The following NEDD8 variants were observed in gnomAD, a reference collection of about 807,000 sequenced individuals.
The protein encoded by NEDD8 is NEDD8 ubiquitin like modifier.
Under a neutral mutation model 13.8 loss-of-function variants are expected in NEDD8, and 1 was observed. The observed-to-expected ratio is 0.07, with a 90% CI of 0.03 to 0.34. NEDD8 has a LOEUF of 0.34. Among genes scored for constraint, NEDD8 ranks in the 10% least tolerant of loss-of-function variants. The pLI is 0.99. For missense variants in NEDD8, 10 were observed against 95.2 expected, an observed-to-expected ratio of 0.10 and a Z score of 3.73; for synonymous variants, 31 against 33.2, an observed-to-expected ratio of 0.93 and a Z score of 0.23.
chr14:24,223,085 C>CA (rs71426836), intron 1 of NEDD8, among the ~76,000 whole-genome samples: 29,946 of 75,270 alleles, frequency 0.4, 6,948 homozygotes, highest in Middle Eastern at 0.61. Context: ...GACTGCATTT[C>CA]AAAAAAAAAA....
At chr14:24,227,310 G>A (rs1264856771) in intron 1 of NEDD8, 1 of 152,176 alleles carries the variant, frequency 6.6e-6, no homozygotes, top group African/African-American at 2.4e-5. Context: ...CTGCAATGAG[G>A]AAATCAATGA....
chr14:24,222,829 C>T (rs1025440944), intron 1 of NEDD8, among the ~76,000 whole-genome samples: 1 of 151,998 alleles, frequency 6.6e-6, no homozygotes, highest in Non-Finnish European at 1.5e-5. Context: ...TGGCTCACAC[C>T]TGTAATCCTA....
chr14:24,226,626 A>G (rs1302369665), intron 1 of NEDD8: 1 of 152,170 alleles, frequency 6.6e-6, no homozygotes, highest in Non-Finnish European at 1.5e-5. Flanking sequence ...TAGTGTTTTA[A>G]TTTATATAAC....
intron 1 of NEDD8, chr14:24,226,932 C>G (rs771905502): frequency 2.0e-5 from 3 of 152,152 alleles, no homozygotes; most frequent in African/African-American, 7.2e-5. Flanking sequence ...CTGGAGATAA[C>G]TCAAACACCC....
At chr14:24,218,327 T>G in intron 2 of NEDD8, 57 bp downstream of exon 2, 1 of 1,614,068 alleles carries the variant, frequency 6.2e-7, no homozygotes, top group Non-Finnish European at 8.5e-7. Context: ...TTCATAAGCA[T>G]ATGCAAACAA....
At chr14:24,221,367 G>A (rs745346910) in intron 1 of NEDD8, among the ~76,000 whole-genome samples, 5 of 149,172 alleles carry the variant, frequency 3.4e-5, no homozygotes, top group African/African-American at 1.2e-4. Context: ...CCGCAGCCTC[G>A]ACATACTGGG....
chr14:24,222,675 T>C (rs2039826240), intron 1 of NEDD8, among the ~76,000 whole-genome samples: 1 of 152,230 alleles, frequency 6.6e-6, no homozygotes, highest in African/African-American at 2.4e-5. Context: ...GGTAAAATTT[T>C]AATATTTTTA....
At chr14:24,222,427 C>T (rs1273914349) in intron 1 of NEDD8, among the ~76,000 whole-genome samples, 1 of 152,092 alleles carries the variant, frequency 6.6e-6, no homozygotes, top group African/African-American at 2.4e-5. Flanking sequence ...TATATTAATG[C>T]TTTAACTTGA....
intron 1 of NEDD8, 27 bp downstream of exon 1, chr14:24,232,223 T>C: frequency 6.2e-7 from 1 of 1,614,086 alleles, no homozygotes; most frequent in Non-Finnish European, 8.5e-7. Context: ...TACTACTGCG[T>C]CTTGGCAAGG....
rs2039711380 is a variant in NEDD8, at chr14:24,216,941, C to T, written c.*186G>A. ...GCACACAGGACTGCAAACTAACACC[C>T]AGTAGCCAGCAAGGGCCCTCTGGGC... On this transcript the variant is annotated 3_prime_UTR_variant, in exon 4 of 4. Transcript: ENST00000250495. The T allele has an allele frequency of 8.5e-6, 5 of 588,238 alleles. No individual in the cohort carries two copies. The highest frequency in any genetic ancestry group is 1.5e-5 in the Non-Finnish European group (5 of 326,112). 36.4% of individuals were successfully genotyped at this position (588,238 alleles called of 1,614,324 possible).
At chr14:24,223,085 CAAAAAAAAAAAA>C (rs71426836) in intron 1 of NEDD8, among the ~76,000 whole-genome samples, 2 of 75,602 alleles carry the variant, frequency 2.6e-5, no homozygotes, top group African/African-American at 4.8e-5. Context: ...GACTGCATTT[CAAAAAAAAAAAA>C]AAAAAAAAAA....
chr14:24,231,988 C>T (rs1484341753), intron 1 of NEDD8: 2 of 496,832 alleles, frequency 4.0e-6, no homozygotes, highest in African/African-American at 2.0e-5. Context: ...CCGACAAAAG[C>T]GACCCCATTC....
chr14:24,219,740 A>G (rs1373442601), intron 1 of NEDD8, among the ~76,000 whole-genome samples: 1 of 152,138 alleles, frequency 6.6e-6, no homozygotes. Context: ...CCAGGCCACA[A>G]ACACACCATG....
chr14:24,222,482 TG>T (rs1400022171), intron 1 of NEDD8, among the ~76,000 whole-genome samples: 1 of 152,214 alleles, frequency 6.6e-6, no homozygotes, highest in Non-Finnish European at 1.5e-5. Flanking sequence ...TATGCTTTTC[TG>T]TATTTTCCAT....
chr14:24,226,534 A>T (rs1455407745), intron 1 of NEDD8: 1 of 152,212 alleles, frequency 6.6e-6, no homozygotes, highest in Non-Finnish European at 1.5e-5. Flanking sequence ...CACAAGGGGC[A>T]ATGACTAAGT....
intron 1 of NEDD8, among the ~76,000 whole-genome samples, chr14:24,219,581 C>A (rs527954067): frequency 5.3e-5 from 8 of 151,704 alleles, no homozygotes; most frequent in Admixed American, 5.3e-4. Context: ...CTACCTAAAT[C>A]CTAAATTGCA....
At position 24,218,387 on chromosome 14, in the gene NEDD8, G is replaced by A; in HGVS notation, c.63C>T (p.Asp21=). The part of the protein sequence containing the change: ...KEIEIDIEPT[D]KVERIKERVE... ...AGAGGAGTTGGGCATGCATCACCTTGTCTGTAGGTTCAATGTCAATCTCAA... is the reference window on the plus strand; with the variant it reads ...AGAGGAGTTGGGCATGCATCACCTTATCTGTAGGTTCAATGTCAATCTCAA... The change falls in exon 2 of 4, where the codon GAC becomes GAT. Residue 21 remains aspartate, a synonymous_variant. Transcript: ENST00000250495. 6.2e-7 allele frequency: 1 copy of A among 1,614,206 alleles called. No homozygotes were observed. The highest frequency in any genetic ancestry group is 1.1e-5 in the South Asian group (1 of 91,084).
Position 24,217,014 on chromosome 14 carries a change from T to C in NEDD8, c.*113A>G, listed in dbSNP as rs2039713853. 2 of 820,016 alleles carry C rather than the reference T, an allele frequency of 2.4e-6. No individual in the cohort carries two copies. Among genetic ancestry groups the C allele is most frequent in the East Asian group, 2.7e-5 (1 of 37,190 alleles). 50.8% of individuals were successfully genotyped at this position (820,016 alleles called of 1,614,324 possible). On this transcript the variant is annotated 3_prime_UTR_variant, in exon 4 of 4. Coordinates refer to ENST00000250495, the MANE Select transcript of NEDD8 (RefSeq NM_006156.3). ...CCTCACAGTCTCCCACCAGTAGACA[T>C]ACATTACTGGGCATCCAGGGGAGGG...
rs1189058225 is a variant in NEDD8 at position 24,218,690 on chromosome 14, TC to T, written c.19-260del. 65 of 557,748 alleles carry T rather than the reference TC, an allele frequency of 1.2e-4. No homozygotes were observed. The Admixed American group carries it at 2.0e-3, about 17-fold the overall frequency. The allele number at this position is 557,748 out of a possible 1,614,324, so 34.5% of individuals were successfully genotyped here. Reference sequence around the variant, plus strand: ...TCCATGAGTCATCTTCCAACATCAGTCCCCCAAAATCAGTGAGAATATTGGC... The same window carrying T: ...TCCATGAGTCATCTTCCAACATCAGTCCCCAAAATCAGTGAGAATATTGGC... On this transcript the variant is annotated intron_variant, in intron 1 of 3. Coordinates refer to ENST00000250495, the MANE Select transcript of NEDD8 (RefSeq NM_006156.3).
Sources: gnomAD v4.1 joint callset for allele counts (sites outside exome capture counted in the v4.1 genomes callset) on GRCh38, gnomAD v4.1.1 for gene constraint, MANE v1.5 for transcripts, NCBI Gene and HGNC (gene_info 2026-07-23, HGNC 2026-07-21) for gene names.